The following DAB1 variants were observed in gnomAD, a reference collection of about 807,000 sequenced individuals.
The protein encoded by DAB1 is disabled homolog 1.
In DAB1, 15 loss-of-function variants were observed where a neutral mutation model predicts 64.6. The ratio of observed to expected loss-of-function variants is 0.23; its 90% CI spans 0.16 to 0.36. DAB1 has a LOEUF of 0.36. DAB1 is among the 10% of genes least tolerant of loss of function. The probability of loss-of-function intolerance (pLI) is 1.00; values close to 1 mark genes in which losing one functional copy is unlikely to be tolerated. For missense variants in DAB1, 596 were observed against 706.7 expected (o/e 0.84, Z 1.78); for synonymous variants, 235 against 251.9 (o/e 0.93, Z 0.64).
intron 2 of DAB1, among the ~76,000 whole-genome samples, chr1:57,281,379 T>C (rs1318414794): frequency 6.6e-6 from 1 of 152,108 alleles, no homozygotes; most frequent in Non-Finnish European, 1.5e-5. Context: ...TACATGGAGT[T>C]AGCTTTGAAA....
intron 2 of DAB1, among the ~76,000 whole-genome samples, chr1:57,280,772 C>T (rs563859928): frequency 3.7e-4 from 56 of 152,208 alleles, no homozygotes; most frequent in African/African-American, 1.3e-3. Context: ...ATTTTGAATG[C>T]CACATAATAA....
intron 6 of DAB1, among the ~76,000 whole-genome samples, chr1:57,708,667 C>T (rs559071216): frequency 6.6e-6 from 1 of 152,316 alleles, no homozygotes; most frequent in East Asian, 1.9e-4. Flanking sequence ...TCTGAAGGCT[C>T]CTGTCCTGGG....
intron 5 of DAB1, among the ~76,000 whole-genome samples, chr1:58,111,886 A>G (rs1651984145): frequency 6.6e-6 from 1 of 152,284 alleles, no homozygotes; most frequent in Admixed American, 6.5e-5. Context: ...AGGAAGTTGT[A>G]CCAGTTCCTT....
intron 5 of DAB1, among the ~76,000 whole-genome samples, chr1:57,947,919 T>G (rs1270499673): frequency 6.6e-6 from 1 of 152,204 alleles, no homozygotes; most frequent in Non-Finnish European, 1.5e-5. Context: ...AATGTTCAAA[T>G]TCTCTTGCAG....
chr1:57,846,455 CA>C (rs71051260), intron 1 of DAB1, among the ~76,000 whole-genome samples: 4,856 of 113,648 alleles, frequency 0.043, 241 homozygotes, highest in African/African-American at 0.15. Flanking sequence ...AAGACTCCAT[CA>C]AAAAAAAAAA....
intron 3 of DAB1, among the ~76,000 whole-genome samples, chr1:58,447,181 A>G (rs1049794478): frequency 1.3e-5 from 2 of 152,228 alleles, no homozygotes; most frequent in African/African-American, 4.8e-5. Flanking sequence ...GTAGAGGAAG[A>G]AAAATCAAAG....
At chr1:57,925,149 C>T (rs1487261999) in intron 5 of DAB1, among the ~76,000 whole-genome samples, 1 of 152,136 alleles carries the variant, frequency 6.6e-6, no homozygotes, top group Non-Finnish European at 1.5e-5. Flanking sequence ...TGTCTCTTAT[C>T]AAGATCTTTA....
At chr1:57,917,366 T>C (rs1644742456) in intron 5 of DAB1, among the ~76,000 whole-genome samples, 1 of 152,208 alleles carries the variant, frequency 6.6e-6, no homozygotes, top group Non-Finnish European at 1.5e-5. Flanking sequence ...TGGAGTCTAA[T>C]GAATCTTGAA....
At chr1:58,069,931 T>C (rs897829179) in intron 5 of DAB1, among the ~76,000 whole-genome samples, 2 of 152,180 alleles carry the variant, frequency 1.3e-5, no homozygotes, top group East Asian at 1.9e-4. Context: ...TGCGGAGACA[T>C]AGAAAGCTGC....
intron 3 of DAB1, among the ~76,000 whole-genome samples, chr1:58,483,506 T>C (rs746745764): frequency 1.3e-5 from 2 of 152,208 alleles, no homozygotes; most frequent in South Asian, 2.1e-4. Context: ...AAACATTACT[T>C]AACGTGAAAT....
intron 5 of DAB1, among the ~76,000 whole-genome samples, chr1:58,029,949 T>G (rs1285850398): frequency 6.6e-6 from 1 of 152,206 alleles, no homozygotes; most frequent in East Asian, 1.9e-4. Flanking sequence ...CTCATGACTA[T>G]AATCCTGGGA....
intron 5 of DAB1, among the ~76,000 whole-genome samples, chr1:57,960,094 G>A (rs933555943): frequency 1.3e-5 from 2 of 152,142 alleles, no homozygotes. Flanking sequence ...TAGCAATCAG[G>A]TCCTGCTATG....
intron 3 of DAB1, among the ~76,000 whole-genome samples, chr1:58,405,838 C>T (rs1251271557): frequency 6.6e-6 from 1 of 152,168 alleles, no homozygotes; most frequent in East Asian, 1.9e-4. Flanking sequence ...TCATTTCTCA[C>T]AGTGACTGTG....
intron 4 of DAB1, among the ~76,000 whole-genome samples, chr1:58,243,010 A>G (rs1660366551): frequency 6.6e-6 from 1 of 152,180 alleles, no homozygotes; most frequent in African/African-American, 2.4e-5. Context: ...TTTAGAGTTA[A>G]CCTTAACAAA....
At chr1:57,642,836 T>C (rs1558569075) in intron 7 of DAB1, among the ~76,000 whole-genome samples, 1 of 152,244 alleles carries the variant, frequency 6.6e-6, no homozygotes, top group Admixed American at 6.5e-5. Context: ...TTGTCCCAGA[T>C]GCTGTCATAA....
At chr1:57,029,629 G>A (rs896632089) in intron 9 of DAB1, among the ~76,000 whole-genome samples, 13 of 152,172 alleles carry the variant, frequency 8.5e-5, no homozygotes, top group Admixed American at 8.5e-4. Flanking sequence ...CCAAGACCAT[G>A]GGAACCTACC....
chr1:57,786,316 G>C (rs10889072), intron 6 of DAB1, among the ~76,000 whole-genome samples: 93,330 of 151,812 alleles, frequency 0.61, 28,984 homozygotes, highest in African/African-American at 0.68. Context: ...TCTAAGGTAT[G>C]CCTGTATATG....
intron 1 of DAB1, among the ~76,000 whole-genome samples, chr1:57,329,594 A>C (rs1676472329): frequency 1.3e-5 from 2 of 149,668 alleles, no homozygotes; most frequent in African/African-American, 4.9e-5. Context: ...TGATTTAGCA[A>C]GGCTATTGAT....
intron 1 of DAB1, among the ~76,000 whole-genome samples, chr1:57,843,260 A>G (rs1653133057): frequency 6.6e-6 from 1 of 152,204 alleles, no homozygotes; most frequent in African/African-American, 2.4e-5. Context: ...TCTTTTGTCT[A>G]CCCTTGACTG....
Sources: gnomAD v4.1 joint callset for allele counts (sites outside exome capture counted in the v4.1 genomes callset) on GRCh38, gnomAD v4.1.1 for gene constraint, MANE v1.5 for transcripts, NCBI Gene and HGNC (gene_info 2026-07-23, HGNC 2026-07-21) for gene names.